The following CD63 variants were observed in gnomAD, a reference collection of about 807,000 sequenced individuals.
The protein encoded by CD63 is CD63 antigen.
CD63 carries 16 observed loss-of-function variants against 29.2 expected under a neutral mutation model. The observed-to-expected ratio is 0.55, with a 90% confidence interval of 0.37 to 0.83. The LOEUF is 0.83. Among genes scored for constraint, CD63 ranks in the 40% least tolerant of loss-of-function variants. The pLI, the probability that CD63 is intolerant of heterozygous loss-of-function variation, is 0.00. For synonymous variants in CD63, 118 were observed against 111.7 expected, an observed-to-expected ratio of 1.06 and a Z score of -0.36; for missense variants, 251 against 297.3, an observed-to-expected ratio of 0.84 and a Z score of 1.15.
In CD63 at chr12:55,726,122, T is replaced by G. The variant is rs1392949670; in HGVS notation, c.566A>C (p.Glu189Ala). The G allele has an allele frequency of 6.2e-7, 1 of 1,613,808 alleles. No individual in the cohort carries two copies. Among genetic ancestry groups the G allele is most frequent in the East Asian group, 2.2e-5 (1 of 44,856 alleles). Residue 189 changes from glutamate (E) to alanine (A), a missense_variant and splice_region_variant, in exon 6 of 8, where the codon GAG (glutamate) becomes GCG (alanine). Transcript: ENST00000257857. ...TCCCATACACAGTCTCCTCCCTACC[T>G]CCTTATGGATCGCCTTCTCGTTGAA... Reference protein sequence around the residue: ...INFNEKAIHKEGCVEKIGGWL... With the variant: ...INFNEKAIHKAGCVEKIGGWL...
chr12:55,728,141 C>A lies in CD63; in HGVS notation c.66+135G>T. 1 of 876,650 alleles carries A rather than the reference C, an allele frequency of 1.1e-6. No homozygotes were observed. Among genetic ancestry groups the A allele is most frequent in the South Asian group, 1.6e-5 (1 of 64,364 alleles). 54.3% of individuals were successfully genotyped at this position (876,650 alleles called of 1,614,324 possible). A position where few individuals can be genotyped will look rare whatever the true frequency, so the allele number is the denominator to read the frequency against. ...GGAAAACTGGAGGAGGGAGTGGCTGCGCTGTCTTTCCCTGGCTTTCTTTCC... is the reference window on the plus strand; with the variant it reads ...GGAAAACTGGAGGAGGGAGTGGCTGAGCTGTCTTTCCCTGGCTTTCTTTCC... On this transcript the variant is annotated intron_variant, in intron 2 of 7. Coordinates refer to ENST00000257857, the MANE Select transcript of CD63 (RefSeq NM_001780.6). The surrounding 1 kb of genome is among the most constrained non-coding windows in gnomAD (Gnocchi z 4.8).
At position 55,728,195 on chromosome 12, in the gene CD63, C is replaced by T; in HGVS notation, c.66+81G>A. ...TCTGGTCTCCAGCTGCCTTAATTCT[C>T]ATTCCCTCAGCCCTCACCACTGTGG... On this transcript the variant is annotated intron_variant, in intron 2 of 7. Coordinates refer to ENST00000257857, the MANE Select transcript of CD63 (RefSeq NM_001780.6). The surrounding 1 kb of genome is among the most constrained non-coding windows in gnomAD (Gnocchi z 4.8). The T allele has an allele frequency of 7.9e-7, 1 of 1,273,302 alleles. No individual in the cohort carries two copies. Among genetic ancestry groups the T allele is most frequent in the Non-Finnish European group, 1.1e-6 (1 of 891,808 alleles). The allele number at this position is 1,273,302 out of a possible 1,614,324, so 78.9% of individuals were successfully genotyped here. A position where few individuals can be genotyped will look rare whatever the true frequency, so the allele number is the denominator to read the frequency against.
chr12:55,727,889 G>T, intron 2 of CD63: 1 of 1,095,192 alleles, frequency 9.1e-7, no homozygotes, highest in East Asian at 6.8e-5. Context: ...GGAGGGAAAG[G>T]GGGAGAGGGG....
At chr12:55,724,667 AAAAT>A (rs1877121493), downstream of CD63, 1 of 985,102 alleles carries the variant, frequency 1.0e-6, no homozygotes, top group African/African-American at 1.6e-5. Context: ...TATTGTTTAA[AAAAT>A]AAAAAGAAGG....
At chr12:55,726,665 T>G in intron 5 of CD63, 35 bp downstream of exon 5, 1 of 1,526,498 alleles carries the variant, frequency 6.6e-7, no homozygotes, top group Non-Finnish European at 9.1e-7. Context: ...GAATTCTCTA[T>G]TCCCACCACC....
chr12:55,729,585 GTC>G (rs1483709654), upstream of CD63: 1 of 152,240 alleles, frequency 6.6e-6, no homozygotes, highest in Non-Finnish European at 1.5e-5. Context: ...CATCCTGGGT[GTC>G]TCCCAACATT....
downstream of CD63, chr12:55,724,554 T>G (rs1359830668): frequency 6.2e-7 from 1 of 1,607,566 alleles, no homozygotes; most frequent in Admixed American, 1.7e-5. Context: ...GAATCCAGCC[T>G]TCCAGCAAGA....
downstream of CD63, chr12:55,724,175 C>T: frequency 6.9e-7 from 1 of 1,454,110 alleles, no homozygotes; most frequent in Non-Finnish European, 9.4e-7. Flanking sequence ...CAGGATGTTA[C>T]AAGAGTGCCC....
At chr12:55,727,401 G>C in intron 2 of CD63, 62 bp from the exon 3 acceptor site, 1 of 1,474,650 alleles carries the variant, frequency 6.8e-7, no homozygotes, top group Non-Finnish European at 9.3e-7. Context: ...CCATGGTGGA[G>C]GGCAGGGGGT....
intron 5 of CD63, 73 bp from the exon 6 acceptor site, chr12:55,726,334 CTTTTTTTTTTTTTT>C (rs777731653): frequency 2.8e-5 from 8 of 287,244 alleles, no homozygotes; most frequent in Non-Finnish European, 2.4e-5. Flanking sequence ...GATGAGAATT[CTTTTTTTTTTTTTT>C]TTTTTTTTTT....
At chr12:55,723,814 C>T (rs764283715), downstream of CD63, 59 of 1,571,870 alleles carry the variant, frequency 3.8e-5, no homozygotes, top group Non-Finnish European at 5.0e-5. Context: ...TCTCAGCTCC[C>T]CAACCCATGT....
chr12:55,726,862 CA>C (rs764608639), intron 4 of CD63, 27 bp downstream of exon 4: 1 of 1,611,308 alleles, frequency 6.2e-7, no homozygotes, highest in East Asian at 2.2e-5. Flanking sequence ...CCGGCTGAGG[CA>C]GGCCCTTCCC....
At chr12:55,724,706 G>A (rs1290023439), downstream of CD63, 2 of 749,560 alleles carry the variant, frequency 2.7e-6, no homozygotes, top group Non-Finnish European at 4.6e-6. Context: ...CCCAGTGGAA[G>A]GCTGACCCCA....
chr12:55,723,743 C>T, downstream of CD63: 1 of 914,830 alleles, frequency 1.1e-6, no homozygotes. Context: ...CCCCACTTGA[C>T]CCTTGTCCCG....
intron 3 of CD63, 27 bp downstream of exon 3, chr12:55,727,124 C>T: frequency 1.9e-6 from 3 of 1,605,676 alleles, no homozygotes; most frequent in Non-Finnish European, 2.6e-6. Context: ...TCCCAGACCG[C>T]CCATGTTGGT....
Position 55,725,344 on chromosome 12 carries a change from T to G in CD63, c.*217A>C, listed in dbSNP as rs1877185651. ...CCCAACCAACACCTTCGCAAAGTCCTCCTTTCCCAAACACCCCCCAAAATA... is the reference window on the plus strand; with the variant it reads ...CCCAACCAACACCTTCGCAAAGTCCGCCTTTCCCAAACACCCCCCAAAATA... On this transcript the variant is annotated 3_prime_UTR_variant, in exon 8 of 8. Coordinates refer to ENST00000257857, the MANE Select transcript of CD63 (RefSeq NM_001780.6). The G allele has an allele frequency of 1.7e-6, 1 of 584,508 alleles. No homozygotes were observed. The allele number at this position is 584,508 out of a possible 1,614,324, so 36.2% of individuals were successfully genotyped here.
chr12:55,727,091 C>A, intron 3 of CD63, 60 bp downstream of exon 3: 1 of 1,582,920 alleles, frequency 6.3e-7, no homozygotes, highest in South Asian at 1.1e-5. Context: ...CCTTCCTGAG[C>A]CCGAACCAAG....
chr12:55,729,900 G>C (rs1481713445), upstream of CD63: 1 of 152,376 alleles, frequency 6.6e-6, no homozygotes, highest in Non-Finnish European at 1.5e-5. Context: ...ACAAAGCCAG[G>C]TGAGGGCTGG....
chr12:55,728,810 G>C lies in CD63; in HGVS notation c.-12+143C>G. 1.0e-6 allele frequency: 1 copy of C among 991,526 alleles called. No individual in the cohort carries two copies. The highest frequency in any genetic ancestry group is 1.2e-6 in the Non-Finnish European group (1 of 834,758). The allele number at this position is 991,526 out of a possible 1,614,324, so 61.4% of individuals were successfully genotyped here. ...CCCCGCCACACCCTGCCCGGGCCCAGGGAACTTCGAAGCAAAGTTGCTCCA... is the reference window on the plus strand; with the variant it reads ...CCCCGCCACACCCTGCCCGGGCCCACGGAACTTCGAAGCAAAGTTGCTCCA... On this transcript the variant is annotated intron_variant, in intron 1 of 7. Coordinates refer to ENST00000257857, the MANE Select transcript of CD63 (RefSeq NM_001780.6). The surrounding 1 kb of genome is among the most constrained non-coding windows in gnomAD (Gnocchi z 4.8).
Sources: allele counts gnomAD v4.1 joint callset, GRCh38; gene constraint gnomAD v4.1.1; non-coding constraint Gnocchi (gnomAD v3.1); transcripts MANE v1.5; gene names NCBI Gene and HGNC (gene_info 2026-07-23, HGNC 2026-07-21).